The following GPR89B variants were observed in gnomAD, a reference collection of about 807,000 sequenced individuals.
The protein encoded by GPR89B is G protein-coupled receptor 89B.
In GPR89B, 25 loss-of-function variants were observed where a neutral mutation model predicts 52.4. The ratio of observed to expected loss-of-function variants is 0.48; its 90% CI spans 0.35 to 0.67. The LOEUF is 0.67. GPR89B is among the 30% of genes least tolerant of loss of function. The probability of loss-of-function intolerance (pLI) is 0.01; values close to 1 mark genes in which losing one functional copy is unlikely to be tolerated. For missense variants in GPR89B, 146 were observed against 450.2 expected, an observed-to-expected ratio of 0.32 and a Z score of 6.11; for synonymous variants, 52 against 151.2, an observed-to-expected ratio of 0.34 and a Z score of 4.81.
chr1:147,937,812 C>T lies in GPR89B; in HGVS notation c.103-902C>T, dbSNP rs587745311. ...ACACATGTTTTGCAAACAATTTGTA[C>T]AGTTAACGCAATCATCACAGGGTAC... On this transcript the variant is annotated intron_variant, in intron 2 of 13. Coordinates refer to ENST00000314163, the MANE Select transcript of GPR89B (RefSeq NM_016334.5). Among the ~76,000 whole-genome samples the T allele has an allele frequency of 4.6e-5, 7 of 152,260 alleles. No homozygotes were observed. In the South Asian group the frequency reaches 1.0e-3, roughly 23 times the overall value.
chr1:147,933,639 C>T (rs1296599705), intron 1 of GPR89B, among the ~76,000 whole-genome samples: 2 of 151,202 alleles, frequency 1.3e-5, no homozygotes, highest in Non-Finnish European at 2.9e-5. Flanking sequence ...AATTGGGTAG[C>T]TTCACTCTTC....
the GPR89B span, among the ~76,000 whole-genome samples, chr1:148,000,712 T>G: frequency 1.1e-4 from 17 of 148,440 alleles, no homozygotes; most frequent in African/African-American, 3.7e-4. Context: ...GCAAGACAGA[T>G]GGTACTTAGA....
intron 5 of GPR89B, among the ~76,000 whole-genome samples, chr1:147,952,669 G>A (rs1655809781): frequency 6.6e-6 from 1 of 151,984 alleles, no homozygotes; most frequent in Non-Finnish European, 1.5e-5. Flanking sequence ...TTATTCTTCA[G>A]CATTGGCTTT....
chr1:148,016,463 A>G, the GPR89B span, among the ~76,000 whole-genome samples: 2 of 108,338 alleles, frequency 1.8e-5, no homozygotes, highest in Admixed American at 2.1e-4. Flanking sequence ...CTGTGTAGGT[A>G]CAATGTCTTT....
In GPR89B at chr1:147,986,287, A is replaced by G; in HGVS notation, c.998A>G (p.Gln333Arg). 2 of 1,611,248 alleles carry G rather than the reference A, an allele frequency of 1.2e-6. No homozygotes were observed. The highest frequency in any genetic ancestry group is 2.2e-5 in the South Asian group (2 of 90,928). ...IEITVNYLGI[Q>R]FDVKFWSQHI... ...ATCACTGTGAATTATCTGGGAATCC[A>G]ATTTGATGTAAGTGTTATATCAAGA... Residue 333 changes from glutamine (Q) to arginine (R), a missense_variant, in exon 11 of 14, where the codon CAA (glutamine) becomes CGA (arginine). Transcript: ENST00000314163.
intron 12 of GPR89B, among the ~76,000 whole-genome samples, chr1:147,990,387 A>C (rs1302539473): frequency 6.6e-6 from 1 of 152,112 alleles, no homozygotes; most frequent in African/African-American, 2.4e-5. Context: ...ATTTTCTCCC[A>C]TTCTGTAGGT....
At chr1:148,001,641 A>AC in the GPR89B span, 4 of 694,818 alleles carry the variant, frequency 5.8e-6, no homozygotes, top group East Asian at 1.0e-4. Flanking sequence ...TACAACTACC[A>AC]CCCCTTCCAC....
chr1:148,012,381 T>C, the GPR89B span, among the ~76,000 whole-genome samples: 2 of 151,856 alleles, frequency 1.3e-5, no homozygotes, highest in East Asian at 1.9e-4. Context: ...CGTCCCCGGA[T>C]TTCCCCTTTT....
chr1:147,943,228 C>G (rs1321642954), intron 3 of GPR89B, among the ~76,000 whole-genome samples: 3 of 151,746 alleles, frequency 2.0e-5, no homozygotes, highest in Non-Finnish European at 4.4e-5. Context: ...ATATGAAATT[C>G]TTAAGATGTT....
At chr1:147,928,648 C>T in intron 1 of GPR89B, 70 bp downstream of exon 1, 1 of 1,598,590 alleles carries the variant, frequency 6.3e-7, no homozygotes, top group Non-Finnish European at 8.6e-7. Flanking sequence ...CGGTCCTCCG[C>T]GGTGCGGGCT....
chr1:147,963,582 A>C (rs1230586775), intron 7 of GPR89B, among the ~76,000 whole-genome samples: 1 of 152,132 alleles, frequency 6.6e-6, no homozygotes, highest in Admixed American at 6.5e-5. Flanking sequence ...ACATAACCAC[A>C]TGAAAAGGTG....
intron 10 of GPR89B, among the ~76,000 whole-genome samples, chr1:147,971,999 C>T (rs1437331084): frequency 1.8e-3 from 279 of 152,010 alleles, no homozygotes; most frequent in Non-Finnish European, 3.2e-3. Flanking sequence ...AGTCCCCAGA[C>T]GACTGCCAGT....
intron 10 of GPR89B, among the ~76,000 whole-genome samples, chr1:147,973,783 G>A (rs1300079778): frequency 6.6e-6 from 1 of 151,698 alleles, no homozygotes; most frequent in Non-Finnish European, 1.5e-5. Flanking sequence ...TTTTCTTCTA[G>A]GTTTTTTATA....
chr1:147,947,274 G>A lies in GPR89B; in HGVS notation c.415+3176G>A, dbSNP rs1358560363. Among the ~76,000 whole-genome samples, 4 of 151,074 alleles carry A rather than the reference G, an allele frequency of 2.6e-5. No individual in the cohort carries two copies. The East Asian group carries it at 6.2e-4, about 23-fold the overall frequency. ...AATTGCTTAAACCCAGGAGGCTGAG[G>A]TTGCAGTGAGCTGAGATCGTGCCAC... On this transcript the variant is annotated intron_variant, in intron 5 of 13. Coordinates refer to ENST00000314163, the MANE Select transcript of GPR89B (RefSeq NM_016334.5).
At chr1:147,958,604 C>T (rs1417261535) in intron 7 of GPR89B, among the ~76,000 whole-genome samples, 2,704 of 146,736 alleles carry the variant, frequency 0.018, 107 homozygotes, top group African/African-American at 0.067. Flanking sequence ...TACACCACTG[C>T]ACTCCAGCCT....
the GPR89B span, among the ~76,000 whole-genome samples, chr1:148,008,937 C>T: frequency 1.3e-5 from 2 of 152,140 alleles, no homozygotes; most frequent in East Asian, 3.9e-4. Context: ...AAAAAAGATA[C>T]CAATCTTACT....
In GPR89B at chr1:147,985,138, G is replaced by T. The variant is rs1334196726; in HGVS notation, c.910-1061G>T. Among the ~76,000 whole-genome samples the T allele has an allele frequency of 9.9e-3, 1,513 of 152,204 alleles. 24 individuals carry two copies. The highest frequency in any genetic ancestry group is 0.035 in the African/African-American group (1,446 of 41,506). On this transcript the variant is annotated intron_variant, in intron 10 of 13. Coordinates refer to ENST00000314163, the MANE Select transcript of GPR89B (RefSeq NM_016334.5). Reference sequence around the variant, plus strand: ...TTTGCTTTACGTATTTTGAAGCTCTGTCATTAGGTATATAAACATTTAGAA... The same window carrying T: ...TTTGCTTTACGTATTTTGAAGCTCTTTCATTAGGTATATAAACATTTAGAA...
At chr1:148,014,619 G>C in the GPR89B span, 1 of 152,002 alleles carries the variant, frequency 6.6e-6, no homozygotes, top group Non-Finnish European at 1.5e-5. Context: ...TCCCCTGGCC[G>C]ACGATCAGGG....
the GPR89B span, among the ~76,000 whole-genome samples, chr1:148,017,519 G>C: frequency 6.7e-6 from 1 of 150,072 alleles, no homozygotes; most frequent in Non-Finnish European, 1.5e-5. Flanking sequence ...TGGATCACGA[G>C]GTCAGGAGAT....
Sources: allele counts gnomAD v4.1 joint callset (sites outside exome capture counted in the v4.1 genomes callset), GRCh38; gene constraint gnomAD v4.1.1; transcripts MANE v1.5; gene names NCBI Gene and HGNC (gene_info 2026-07-23, HGNC 2026-07-21).